FBXO36: variants seen among roughly 807,000 people sequenced by gnomAD.
FBXO36 encodes F-box only protein 36.
In FBXO36, 18 loss-of-function variants were observed where a neutral mutation model predicts 17.0. The ratio of observed to expected loss-of-function variants is 1.06; its 90% confidence interval spans 0.73 to 1.57. The LOEUF is 1.57. Ranked by LOEUF, FBXO36 falls within the 40% of genes most tolerant of loss-of-function variation. The pLI is 0.00. For synonymous variants in FBXO36, 83 were observed against 85.3 expected, an observed-to-expected ratio of 0.97 and a Z score of 0.15; for missense variants, 229 against 221.9, an observed-to-expected ratio of 1.03 and a Z score of -0.20.
intron 3 of FBXO36, among the ~76,000 whole-genome samples, chr2:230,007,121 G>C (rs2077391111): frequency 6.6e-6 from 1 of 152,260 alleles, no homozygotes; most frequent in Non-Finnish European, 1.5e-5. Flanking sequence ...GTTCACCAAG[G>C]TGTGCTGCCA....
intron 3 of FBXO36, among the ~76,000 whole-genome samples, chr2:230,001,759 G>A (rs951956107): frequency 3.9e-5 from 6 of 152,096 alleles, no homozygotes; most frequent in Non-Finnish European, 5.9e-5. Context: ...CTGACACGTG[G>A]TTCCAGGGCC....
chr2:229,967,636 CAT>C lies in FBXO36; in HGVS notation c.97-8604_97-8603del, dbSNP rs1343173546. On this transcript the variant is annotated intron_variant, in intron 1 of 3. Transcript: ENST00000283946. ...CCTTTTCTGCATCTATTGAGATAAA[CAT>C]GTGGTTTTTGTCTTTGGTTCTGTTT... Among the ~76,000 whole-genome samples the C allele has an allele frequency of 7.9e-5, 12 of 152,242 alleles. 1 individual carries two copies. Among genetic ancestry groups the C allele is most frequent in the Admixed American group, 5.2e-4 (8 of 15,278 alleles).
At chr2:229,936,986 C>A (rs1009127032) in intron 1 of FBXO36, among the ~76,000 whole-genome samples, 2 of 152,146 alleles carry the variant, frequency 1.3e-5, no homozygotes, top group Non-Finnish European at 2.9e-5. Context: ...AATCTATTCT[C>A]CATATTACAT....
rs551013531 is a variant in FBXO36 at position 229,934,049 on chromosome 2, T to C, written c.96+11440T>C. Among the ~76,000 whole-genome samples, 9 of 152,166 alleles carry C rather than the reference T, an allele frequency of 5.9e-5. No individual in the cohort carries two copies. In the South Asian group the frequency reaches 1.4e-3, roughly 25 times the overall value. ...TTGTGATTAGAAAAGATTGGAAAATTCTAAGTAAAACAAAATTATATTTCC... is the reference window on the plus strand; with the variant it reads ...TTGTGATTAGAAAAGATTGGAAAATCCTAAGTAAAACAAAATTATATTTCC... On this transcript the variant is annotated intron_variant, in intron 1 of 3. Coordinates refer to ENST00000283946, the MANE Select transcript of FBXO36 (RefSeq NM_174899.5).
At chr2:229,999,669 TC>T (rs2077347981) in intron 3 of FBXO36, among the ~76,000 whole-genome samples, 1 of 151,770 alleles carries the variant, frequency 6.6e-6, no homozygotes, top group South Asian at 2.1e-4. Context: ...TGAGCCACCT[TC>T]CTGTCCAAAT....
intron 3 of FBXO36, among the ~76,000 whole-genome samples, chr2:230,000,145 G>T (rs895577293): frequency 5.9e-5 from 9 of 152,010 alleles, no homozygotes; most frequent in Admixed American, 4.6e-4. Flanking sequence ...ATCACCTGAG[G>T]TCAGGAGTTT....
At position 230,008,551 on chromosome 2, in the gene FBXO36, G is replaced by A. The variant is rs550637771; in HGVS notation, c.379-2145G>A. ...ATATTTTCAGTATAAAATTTGATGA[G>A]TCATAAATGAAGTTATACTAGTGGA... On this transcript the variant is annotated intron_variant, in intron 3 of 3. Transcript: ENST00000283946. Among the ~76,000 whole-genome samples the A allele has an allele frequency of 2.6e-5, 4 of 152,238 alleles. No homozygotes were observed. In the East Asian group the frequency reaches 7.7e-4, roughly 29 times the overall value.
At chr2:230,009,041 C>G (rs1044298222) in intron 3 of FBXO36, among the ~76,000 whole-genome samples, 1 of 152,130 alleles carries the variant, frequency 6.6e-6, no homozygotes, top group Non-Finnish European at 1.5e-5. Context: ...CATTCTCTTC[C>G]CTTATTGGAG....
chr2:229,952,800 G>T (rs1388185579), intron 1 of FBXO36, among the ~76,000 whole-genome samples: 2 of 152,180 alleles, frequency 1.3e-5, no homozygotes, highest in Non-Finnish European at 2.9e-5. Context: ...GCCTTGAGCT[G>T]TGCAACTGAT....
chr2:229,933,679 A>C (rs2076950335), intron 1 of FBXO36, among the ~76,000 whole-genome samples: 1 of 151,170 alleles, frequency 6.6e-6, no homozygotes, highest in African/African-American at 2.4e-5. Flanking sequence ...AAATACTGAG[A>C]CCCCCTCTAT....
At chr2:229,975,774 C>G (rs552702284) in intron 1 of FBXO36, among the ~76,000 whole-genome samples, 4 of 139,244 alleles carry the variant, frequency 2.9e-5, no homozygotes, top group African/African-American at 8.1e-5. Flanking sequence ...CTATGCCCAG[C>G]CTTTGACCTG....
intron 3 of FBXO36, among the ~76,000 whole-genome samples, chr2:230,004,527 A>G (rs2077376633): frequency 6.6e-6 from 1 of 152,162 alleles, no homozygotes; most frequent in South Asian, 2.1e-4. Flanking sequence ...TCTAGTGGCA[A>G]CCATATTAAC....
rs60093081 is a variant in FBXO36, at chr2:229,954,234, A to ATTTTTTTTTTTTTTTTTTTTTTTTTTTT, written c.97-21981_97-21980insTTTTTTTTTTTTTTTTTTTTTTTTTTTT. The stretch of plus-strand genomic sequence containing the variant: ...GCAACTGTCATTACAAACCCTTTGG[A>ATTTTTTTTTTTTTTTTTTTTTTTTTTTT]TTTTTTTTTTTTTTTTTTTTTTTTT... On this transcript the variant is annotated intron_variant, in intron 1 of 3. Coordinates refer to ENST00000283946, the MANE Select transcript of FBXO36 (RefSeq NM_174899.5). Among the ~76,000 whole-genome samples the ATTTTTTTTTTTTTTTTTTTTTTTTTTTT allele has an allele frequency of 1.1e-3, 77 of 71,404 alleles. 26 individuals carry two copies. The highest frequency in any genetic ancestry group is 1.9e-3 in the South Asian group (3 of 1,572). 46.8% of individuals were successfully genotyped at this position (71,404 alleles called of 152,430 possible).
At chr2:229,947,631 C>T (rs1036814418) in intron 1 of FBXO36, among the ~76,000 whole-genome samples, 3 of 152,176 alleles carry the variant, frequency 2.0e-5, no homozygotes, top group Non-Finnish European at 2.9e-5. Flanking sequence ...TGTCATGATC[C>T]TCTAAAGTAC....
At chr2:229,966,692 G>T (rs185210210) in intron 1 of FBXO36, among the ~76,000 whole-genome samples, 1 of 152,282 alleles carries the variant, frequency 6.6e-6, no homozygotes, top group Non-Finnish European at 1.5e-5. Context: ...GATGGTTGTA[G>T]ATCTGTGGTA....
At chr2:229,991,109 T>C (rs2077295616) in intron 2 of FBXO36, among the ~76,000 whole-genome samples, 1 of 152,106 alleles carries the variant, frequency 6.6e-6, no homozygotes, top group African/African-American at 2.4e-5. Flanking sequence ...CTAATTTTTG[T>C]ATTTTTAATA....
intron 1 of FBXO36, among the ~76,000 whole-genome samples, chr2:229,927,571 C>G (rs1397964366): frequency 6.6e-6 from 1 of 152,130 alleles, no homozygotes; most frequent in African/African-American, 2.4e-5. Context: ...TAGATGGGAA[C>G]TGGCAGATAC....
chr2:229,930,135 G>A (rs903850119), intron 1 of FBXO36, among the ~76,000 whole-genome samples: 5 of 152,226 alleles, frequency 3.3e-5, no homozygotes, highest in Non-Finnish European at 7.4e-5. Context: ...ATCACTCGAG[G>A]CCAGGAATTC....
chr2:229,977,762 A>G (rs1319745260), intron 2 of FBXO36, among the ~76,000 whole-genome samples: 1 of 151,968 alleles, frequency 6.6e-6, no homozygotes, highest in East Asian at 1.9e-4. Context: ...AATGGTTTTT[A>G]ACTAACTCCC....
Sources: allele counts gnomAD v4.1 joint callset (sites outside exome capture counted in the v4.1 genomes callset), GRCh38; gene constraint gnomAD v4.1.1; transcripts MANE v1.5; gene names NCBI Gene and HGNC (gene_info 2026-07-23, HGNC 2026-07-21).